Variants in MCF2L observed in about 807,000 individuals in gnomAD.
The protein encoded by MCF2L is MCF.2 cell line derived transforming sequence like, also known as guanine nucleotide exchange factor DBS.
Under a neutral mutation model 153.4 loss-of-function variants are expected in MCF2L, and 97 were observed. That is an observed-to-expected ratio of 0.63 (90% CI 0.54 to 0.75). The LOEUF is 0.75. MCF2L is among the 30% of genes least tolerant of loss of function. The pLI is 0.00. For missense variants in MCF2L, 1,347 were observed against 1,495.2 expected (o/e 0.90, Z 1.64); for synonymous variants, 659 against 632.2 (o/e 1.04, Z -0.64).
rs561053693 is a variant in MCF2L, at chr13:113,027,603, C to T, written c.278+2845C>T. On this transcript the variant is annotated intron_variant, in intron 3 of 29. Transcript: ENST00000535094. This position sits in a 1 kb window ranked among gnomAD's most constrained non-coding sequence, Gnocchi z 4.8. ...GGCTCTGCTGGCTGAGCTGAGTGCA[C>T]GGAGGAGGGGCTGGGTCTCGGGCCG... Among the ~76,000 whole-genome samples, 10 of 152,068 alleles carry T rather than the reference C, an allele frequency of 6.6e-5. No individual in the cohort carries two copies. The highest frequency in any genetic ancestry group is 4.2e-4 in the South Asian group (2 of 4,804).
In MCF2L at chr13:113,070,083, C is replaced by T. The variant is rs764178931; in HGVS notation, c.906C>T (p.Thr302=). 9 of 1,609,704 alleles carry T rather than the reference C, an allele frequency of 5.6e-6. No homozygotes were observed. The highest frequency in any genetic ancestry group is 3.3e-5 in the South Asian group (3 of 90,522). Residue 302 remains threonine (T), a synonymous_variant, in exon 9 of 30, where the codon ACC becomes ACT. Transcript: ENST00000535094. The surrounding 1 kb of genome is among the most constrained non-coding windows in gnomAD (Gnocchi z 5.6). ...GGCTCCTGGCCCAGCTGAACGAAAC[C>T]GAGGCTGCCTTCGATGAGTTCTGGG... ...VQRLLAQLNE[T]EAAFDEFWAK... is the part of the protein sequence containing the mutation.
intron 2 of MCF2L, among the ~76,000 whole-genome samples, chr13:112,920,820 G>A (rs1366414039): frequency 6.6e-6 from 1 of 152,002 alleles, no homozygotes; most frequent in Non-Finnish European, 1.5e-5. Flanking sequence ...GGCACAGATT[G>A]GCTCACAAAG....
rs146269171 is a variant in MCF2L at position 112,990,124 on chromosome 13, C to T, written c.79+20666C>T. Among the ~76,000 whole-genome samples, 669 of 152,348 alleles carry T rather than the reference C, an allele frequency of 4.4e-3. 8 individuals are homozygous for T. The highest frequency in any genetic ancestry group is 0.015 in the African/African-American group (617 of 41,574). ...CTCACTTCCTGCTGTGCAGCCCGACCAGTACCGGTCTGTGGCTCGGGGCTT... is the reference window on the plus strand; with the variant it reads ...CTCACTTCCTGCTGTGCAGCCCGACTAGTACCGGTCTGTGGCTCGGGGCTT... On this transcript the variant is annotated intron_variant, in intron 1 of 29. Coordinates refer to ENST00000535094, the MANE Select transcript of MCF2L (RefSeq NM_001112732.3).
At chr13:113,073,273 A>G (rs536178505) in intron 9 of MCF2L, among the ~76,000 whole-genome samples, 27 of 152,346 alleles carry the variant, frequency 1.8e-4, no homozygotes, top group African/African-American at 6.5e-4. Context: ...CTCACTTGAA[A>G]AGAATGTGTA....
intron 2 of MCF2L, among the ~76,000 whole-genome samples, chr13:112,915,115 A>G (rs9603997): frequency 0.29 from 43,962 of 151,856 alleles, 6,712 homozygotes; most frequent in Non-Finnish European, 0.34. Context: ...TCGTTCATCA[A>G]AATCTCCATG....
chr13:113,031,066 G>A lies in MCF2L; in HGVS notation c.278+6308G>A, dbSNP rs28401519. Among the ~76,000 whole-genome samples the A allele has an allele frequency of 4.9e-4, 64 of 130,472 alleles. No homozygotes were observed. The highest frequency in any genetic ancestry group is 1.8e-3 in the African/African-American group (58 of 32,184). 85.6% of individuals were successfully genotyped at this position (130,472 alleles called of 152,430 possible). On this transcript the variant is annotated intron_variant, in intron 3 of 29. Transcript: ENST00000535094. This position sits in a 1 kb window ranked among gnomAD's most constrained non-coding sequence, Gnocchi z 5.5. ...AGAGACAGACAGATACAGACAGAGA[G>A]ACAGAGACAGACAGATACAGACAGA...
intron 1 of MCF2L, among the ~76,000 whole-genome samples, chr13:112,970,676 C>T (rs2082010760): frequency 6.6e-6 from 1 of 152,082 alleles, no homozygotes; most frequent in Non-Finnish European, 1.5e-5. Context: ...CCTCTGCGTG[C>T]CGTTCGGTGT....
At chr13:113,094,414 C>T (rs1461986228) in intron 26 of MCF2L, 100 bp from the exon 27 acceptor site, 21 of 1,308,782 alleles carry the variant, frequency 1.6e-5, no homozygotes, top group Non-Finnish European at 3.1e-6. Flanking sequence ...CCACGGCACA[C>T]ATTTCAGGGG....
chr13:112,909,521 G>A, intron 2 of MCF2L: 1 of 507,834 alleles, frequency 2.0e-6, no homozygotes, highest in Non-Finnish European at 3.5e-6. Context: ...GCAGCCAGCG[G>A]GTCTATCAAC....
chr13:112,936,205 G>C (rs1046696239), intron 2 of MCF2L, among the ~76,000 whole-genome samples: 1 of 150,812 alleles, frequency 6.6e-6, no homozygotes, highest in East Asian at 2.0e-4. Context: ...ACTTGAACCC[G>C]GGAGGCAGAG....
rs1378282163 is a variant in MCF2L at position 112,943,247 on chromosome 13, G to C, written c.169+40876G>C. Among the ~76,000 whole-genome samples the C allele has an allele frequency of 1.3e-5, 2 of 152,136 alleles. No homozygotes were observed. Among genetic ancestry groups the C allele is most frequent in the African/African-American group, 4.8e-5 (2 of 41,436 alleles). ...CCACTGGCACAGGTGGGGCGGCCAC[G>C]CCTGTGCCCGCGGCGCCTGTGCTGA... On this transcript the variant is annotated intron_variant, in intron 2 of 29. Transcript: ENST00000375608. This position sits in a 1 kb window ranked among gnomAD's most constrained non-coding sequence, Gnocchi z 4.2.
intron 2 of MCF2L, chr13:112,957,338 A>G (rs1371670959): frequency 1.3e-5 from 2 of 152,258 alleles, no homozygotes; most frequent in African/African-American, 4.8e-5. Flanking sequence ...ATGTGTGCTC[A>G]TCAGTCAGCA....
At chr13:112,968,830 G>A (rs2081945994), upstream of MCF2L, 2 of 1,262,792 alleles carry the variant, frequency 1.6e-6, no homozygotes, top group African/African-American at 3.2e-5. Flanking sequence ...GGAACCGGGG[G>A]GAAGGGCGGG....
intron 2 of MCF2L, among the ~76,000 whole-genome samples, chr13:112,923,516 G>A (rs375454685): frequency 1.3e-5 from 2 of 151,868 alleles, no homozygotes; most frequent in Non-Finnish European, 1.5e-5. Context: ...TACCTGCCTC[G>A]GCCTCCCAAA....
intron 26 of MCF2L, chr13:113,093,874 G>C (rs1382733732): frequency 6.6e-6 from 1 of 152,444 alleles, no homozygotes; most frequent in African/African-American, 2.4e-5. Flanking sequence ...GGGTTGGGGA[G>C]GGGGGCATGT....
At chr13:113,091,164 A>G (rs1414886327) in intron 26 of MCF2L, 1 of 1,301,182 alleles carries the variant, frequency 7.7e-7, no homozygotes, top group Non-Finnish European at 1.0e-6. Context: ...GGCATGAAGT[A>G]AAGAGCGACC....
chr13:112,968,082 C>A, upstream of MCF2L: 1 of 202,812 alleles, frequency 4.9e-6, no homozygotes, highest in Non-Finnish European at 9.6e-6. Context: ...GAAATGTGTA[C>A]TTCTTCCTGC....
At position 113,070,059 on chromosome 13, in the gene MCF2L, G is replaced by T; in HGVS notation, c.882G>T (p.Arg294Ser). Residue 294 changes from arginine (R) to serine (S), a missense_variant and splice_region_variant, in exon 9 of 30, where the codon AGG becomes AGT. Physicochemically the swap from Arg to Ser is moderately radical, Grantham distance 110. Coordinates refer to ENST00000535094, the MANE Select transcript of MCF2L (RefSeq NM_001112732.3). This position sits in a 1 kb window ranked among gnomAD's most constrained non-coding sequence, Gnocchi z 5.6. Reference sequence around the variant, plus strand: ...ACGGTCAACTCCTCCTCTTTCCCAGGCTCCTGGCCCAGCTGAACGAAACCG... The same window carrying T: ...ACGGTCAACTCCTCCTCTTTCCCAGTCTCCTGGCCCAGCTGAACGAAACCG... The part of the protein sequence containing the change: ...DQLDNQATVQ[R>S]LLAQLNETEA... 1 of 1,606,738 alleles carries T rather than the reference G, an allele frequency of 6.2e-7. No individual in the cohort carries two copies. The highest frequency in any genetic ancestry group is 8.5e-7 in the Non-Finnish European group (1 of 1,176,812).
upstream of MCF2L, chr13:112,968,361 C>T: frequency 7.0e-7 from 1 of 1,432,878 alleles, no homozygotes; most frequent in Non-Finnish European, 9.3e-7. Flanking sequence ...TTGCATATGG[C>T]CCTGTGATGG....
Sources: allele counts gnomAD v4.1 joint callset (sites outside exome capture counted in the v4.1 genomes callset), GRCh38; gene constraint gnomAD v4.1.1; non-coding constraint Gnocchi (gnomAD v3.1); transcripts MANE v1.5; gene names NCBI Gene and HGNC (gene_info 2026-07-23, HGNC 2026-07-21).